ZNF432: variants seen among roughly 807,000 people sequenced by gnomAD.
ZNF432 encodes the protein zinc finger protein 432.
Under a neutral mutation model 13.9 loss-of-function variants are expected in ZNF432, and 10 were observed. The ratio of observed to expected loss-of-function variants is 0.72; its 90% CI spans 0.44 to 1.22. The LOEUF (loss-of-function observed/expected upper bound fraction) is 1.22. ZNF432 is among the 50% of genes most tolerant of loss of function. The pLI, the probability that ZNF432 is intolerant of heterozygous loss-of-function variation, is 0.00. For missense variants in ZNF432, 793 were observed against 796.2 expected, an observed-to-expected ratio of 1.00 and a Z score of 0.05; for synonymous variants, 247 against 256.2, an observed-to-expected ratio of 0.96 and a Z score of 0.34.
In ZNF432 at chr19:52,040,487, C is replaced by T. The variant is rs1179000869; in HGVS notation, c.238+1G>A. On this transcript the variant is annotated splice_donor_variant, in intron 4 of 4. Transcript: ENST00000221315. LOFTEE classifies it high-confidence loss of function. ...TACGCATCTTGCTGCTTCTCACATA[C>T]CTGGACAGATTCGACTGTGCCTTTC... 6.2e-7 allele frequency: 1 copy of T among 1,613,848 alleles called. No homozygotes were observed. Among genetic ancestry groups the T allele is most frequent in the South Asian group, 1.1e-5 (1 of 91,080 alleles).
Position 52,035,318 on chromosome 19 carries a change from A to G in ZNF432, c.361T>C (p.Cys121Arg), listed in dbSNP as rs771724549. ...GTATCATGATTTTCCCTGAAAAGAC[A>G]AAGGCTTTTGGTTTGAGAGGCAGTA... ...GNTASQTKSLCLFRENHDTFE... is the reference protein window; with the variant it reads ...GNTASQTKSLRLFRENHDTFE... Residue 121 changes from cysteine to arginine, a missense_variant, in exon 5 of 5, where the codon TGT becomes CGT. By Grantham distance (180) the Cys-to-Arg change is radical (BLOSUM62 -3). Transcript: ENST00000221315. 21 of 1,612,740 alleles carry G rather than the reference A, an allele frequency of 1.3e-5. No homozygotes were observed. The highest frequency in any genetic ancestry group is 1.4e-5 in the Non-Finnish European group (17 of 1,179,748).
In ZNF432 at chr19:52,034,854, A is replaced by AG. The variant is rs2087060271; in HGVS notation, c.824_825insC (p.Leu276SerfsTer3). ...TATGAGTTCGCTGATGTTCAATCAG[A>AG]CGGCTCTTCATAGTGAAGACTTTTC... On this transcript the variant is annotated frameshift_variant, in exon 5 of 5. Transcript: ENST00000221315. LOFTEE classifies it low-confidence loss of function (END_TRUNC). 1.2e-6 allele frequency: 2 copies of AG among 1,613,900 alleles called. No individual in the cohort carries two copies. Among genetic ancestry groups the AG allele is most frequent in the Non-Finnish European group, 1.7e-6 (2 of 1,179,886 alleles).
chr19:52,046,669 G>T (rs2087186522), intron 2 of ZNF432, among the ~76,000 whole-genome samples, 185 bp downstream of exon 2: 1 of 152,130 alleles, frequency 6.6e-6, no homozygotes, highest in Non-Finnish European at 1.5e-5. Flanking sequence ...TTCTAGTCAG[G>T]CATTATTTTC....
In ZNF432 at chr19:52,033,406, A is replaced by G; in HGVS notation, c.*314T>C. 3.3e-6 allele frequency: 1 copy of G among 301,574 alleles called. No homozygotes were observed. The highest frequency in any genetic ancestry group is 7.1e-5 in the East Asian group (1 of 14,070). 18.7% of individuals were successfully genotyped at this position (301,574 alleles called of 1,614,324 possible). A position where few individuals can be genotyped will look rare whatever the true frequency, so the allele number is the denominator to read the frequency against. On this transcript the variant is annotated 3_prime_UTR_variant, in exon 5 of 5. Coordinates refer to ENST00000221315, the MANE Select transcript of ZNF432 (RefSeq NM_014650.4). ...AGTTCAGATTCTCTGCAAAAGGACT[A>G]TGTACCTTACACATTTGTCATGTGG...
rs11666149 is a variant in ZNF432 at position 52,034,323 on chromosome 19, T to A, written c.1356A>T (p.Thr452=). ...SMLIIHQRTH[T]GEKPYTCSEC... ...CACTGCATGTGTAGGGCTTCTCTCC[T>A]GTATGAGTTCGCTGATGTATGATGA... The change falls in exon 5 of 5, where the codon ACA becomes ACT. Residue 452 remains threonine (T), a synonymous_variant. Transcript: ENST00000221315. The A allele has an allele frequency of 1.4e-5, 22 of 1,613,190 alleles. No individual in the cohort carries two copies. In the Admixed American group the frequency reaches 2.2e-4, roughly 16 times the overall value.
At chr19:52,039,233 T>C (rs1164407637) in intron 4 of ZNF432, among the ~76,000 whole-genome samples, 2 of 152,182 alleles carry the variant, frequency 1.3e-5, no homozygotes. Context: ...AGGTGAAGGC[T>C]CAAGAAAAAT....
intron 2 of ZNF432, among the ~76,000 whole-genome samples, chr19:52,046,109 GA>G (rs1325345447): frequency 4.6e-5 from 7 of 151,774 alleles, no homozygotes; most frequent in African/African-American, 1.5e-4. Context: ...AATTGGAGGT[GA>G]AAATGCAGAA....
rs1367371032 is a variant in ZNF432 at position 52,033,825 on chromosome 19, A to G, written c.1854T>C (p.Thr618=). Residue 618 remains threonine, a synonymous_variant, in exon 5 of 5, where the codon ACT becomes ACC. Transcript: ENST00000221315. ...MKSRLIVHQR[T]HTGEKPFVCS... ...ATACAAAGGGTTTCTCTCCTGTATG[A>G]GTTCGTTGATGAACAATTAGACGGC... is the stretch of plus-strand genomic sequence containing the variant. 1.9e-6 allele frequency: 3 copies of G among 1,614,124 alleles called. No individual in the cohort carries two copies. Among genetic ancestry groups the G allele is most frequent in the Non-Finnish European group, 2.5e-6 (3 of 1,180,022 alleles).
At chr19:52,045,551 T>G (rs2087173383) in intron 2 of ZNF432, among the ~76,000 whole-genome samples, 1 of 151,270 alleles carries the variant, frequency 6.6e-6, no homozygotes, top group Admixed American at 6.6e-5. Flanking sequence ...AGATACGGTT[T>G]CTCCATGTTG....
chr19:52,048,120 T>C (rs1359226176), intron 1 of ZNF432, among the ~76,000 whole-genome samples: 1 of 69,840 alleles, frequency 1.4e-5, no homozygotes, highest in African/African-American at 4.4e-5. Flanking sequence ...CAGCCAAAGT[T>C]TGAGCTCAAC....
chr19:52,048,075 CTT>C (rs1372035104), intron 1 of ZNF432, among the ~76,000 whole-genome samples: 6 of 145,816 alleles, frequency 4.1e-5, no homozygotes, highest in African/African-American at 1.5e-4. Flanking sequence ...GGACCTGAAA[CTT>C]TTAGGAAATG....
rs1393743721 is a variant in ZNF432, at chr19:52,043,660, C to T, written c.16-2054G>A. On this transcript the variant is annotated intron_variant, in intron 2 of 4. Transcript: ENST00000221315. ...CCCGTCCCTGGGCAATGGAATGTCT[C>T]GGTATAAAACCCGATTGTATGCTCC... Among the ~76,000 whole-genome samples, 10 of 152,230 alleles carry T rather than the reference C, an allele frequency of 6.6e-5. No individual in the cohort carries two copies. In the South Asian group the frequency reaches 8.3e-4, roughly 13 times the overall value.
chr19:52,034,175 A>T lies in ZNF432; in HGVS notation c.1504T>A (p.Leu502Ile). Residue 502 changes from leucine to isoleucine, a missense_variant, in exon 5 of 5, where the codon TTA becomes ATA. Transcript: ENST00000221315. ...KGFIVNSGLM[L>I]HQRTHTGEKP... Reference sequence around the variant, plus strand: ...TCTCCAGTATGAGTTCGCTGATGTAACATCAGTCCGCTATTCACAATGAAA... The same window carrying T: ...TCTCCAGTATGAGTTCGCTGATGTATCATCAGTCCGCTATTCACAATGAAA... The T allele has an allele frequency of 1.2e-6, 2 of 1,612,594 alleles. No homozygotes were observed. The highest frequency in any genetic ancestry group is 1.7e-6 in the Non-Finnish European group (2 of 1,179,580).
Position 52,032,638 on chromosome 19 carries a change from G to A in ZNF432, c.*1082C>T, listed in dbSNP as rs916698159. ...TTAGTAGAGAGGGGGGCTTCACCAT[G>A]TTGGTCAGGCTGGTCTCGAACTCCC... On this transcript the variant is annotated 3_prime_UTR_variant, in exon 5 of 5. Transcript: ENST00000221315. The A allele has an allele frequency of 6.6e-6, 1 of 152,096 alleles. No individual in the cohort carries two copies. Among genetic ancestry groups the A allele is most frequent in the South Asian group, 2.1e-4 (1 of 4,806 alleles). 9.4% of individuals were successfully genotyped at this position (152,096 alleles called of 1,614,324 possible). A position where few individuals can be genotyped will look rare whatever the true frequency, so the allele number is the denominator to read the frequency against.
At chr19:52,041,862 G>C (rs1231871189) in intron 2 of ZNF432, among the ~76,000 whole-genome samples, 1 of 151,890 alleles carries the variant, frequency 6.6e-6, no homozygotes, top group African/African-American at 2.4e-5. Flanking sequence ...TTTTAATTTT[G>C]GTATCTATTG....
At chr19:52,045,371 T>TC (rs1265398216) in intron 2 of ZNF432, among the ~76,000 whole-genome samples, 4 of 144,734 alleles carry the variant, frequency 2.8e-5, no homozygotes, top group South Asian at 2.4e-4. Context: ...TTTTTTTTTT[T>TC]TCGAGACGGA....
intron 4 of ZNF432, among the ~76,000 whole-genome samples, chr19:52,038,213 A>C (rs1402908901): frequency 1.3e-5 from 2 of 152,146 alleles, no homozygotes; most frequent in Non-Finnish European, 2.9e-5. Flanking sequence ...AGCTTCTATC[A>C]CTGACCTGTA....
Position 52,034,764 on chromosome 19 carries a change from A to C in ZNF432, c.915T>G (p.Ile305Met). 6.2e-7 allele frequency: 1 copy of C among 1,612,310 alleles called. No individual in the cohort carries two copies. The highest frequency in any genetic ancestry group is 8.5e-7 in the Non-Finnish European group (1 of 1,179,464). Reference protein sequence around the residue: ...GKGFPGKRNLIVHQRNHTGEK... With the variant: ...GKGFPGKRNLMVHQRNHTGEK... Reference sequence around the variant, plus strand: ...CTCCAGTATGATTTCGCTGATGTACAATGAGATTACGCTTGCCTGGGAAGC... The same window carrying C: ...CTCCAGTATGATTTCGCTGATGTACCATGAGATTACGCTTGCCTGGGAAGC... The change falls in exon 5 of 5, where the codon ATT becomes ATG. Residue 305 changes from isoleucine (I) to methionine (M), a missense_variant. Physicochemically the swap from Ile to Met is conservative, Grantham distance 10. Transcript: ENST00000221315.
chr19:52,041,645 C>T, intron 2 of ZNF432, 39 bp from the exon 3 acceptor site: 1 of 1,613,476 alleles, frequency 6.2e-7, no homozygotes, highest in Non-Finnish European at 8.5e-7. Flanking sequence ...GGAAGTGTTT[C>T]TCTTTTACTG....
Sources: allele counts gnomAD v4.1 joint callset (sites outside exome capture counted in the v4.1 genomes callset), GRCh38; gene constraint gnomAD v4.1.1; transcripts MANE v1.5; gene names NCBI Gene and HGNC (gene_info 2026-07-23, HGNC 2026-07-21).